KCNH7: variants seen among roughly 807,000 people sequenced by gnomAD.
The protein encoded by KCNH7 is potassium voltage-gated channel subfamily H member 7, also known as voltage-gated inwardly rectifying potassium channel KCNH7.
In KCNH7, 49 loss-of-function variants were observed where a neutral mutation model predicts 120.8. The ratio of observed to expected loss-of-function variants is 0.41; its 90% CI spans 0.32 to 0.51. KCNH7 has a LOEUF of 0.51. Among genes scored for constraint, KCNH7 ranks in the 20% least tolerant of loss-of-function variants. The probability of loss-of-function intolerance (pLI) is 0.38; values close to 1 mark genes in which losing one functional copy is unlikely to be tolerated. For synonymous variants in KCNH7, 547 were observed against 516.1 expected (o/e 1.06, Z -0.81); for missense variants, 1,097 against 1,446.6 (o/e 0.76, Z 3.92).
At chr2:162,492,996 G>T (rs1210059260) in intron 6 of KCNH7, among the ~76,000 whole-genome samples, 2 of 151,118 alleles carry the variant, frequency 1.3e-5, no homozygotes, top group Non-Finnish European at 2.9e-5. Context: ...GATGGCCTGG[G>T]ATGCCTGGGG....
intron 3 of KCNH7, among the ~76,000 whole-genome samples, chr2:162,536,325 T>C (rs1692106725): frequency 6.6e-6 from 1 of 151,982 alleles, no homozygotes; most frequent in Non-Finnish European, 1.5e-5. Flanking sequence ...ATGTCCTTTG[T>C]GCTTAAATAT....
At chr2:162,735,964 T>G (rs1423862847) in intron 2 of KCNH7, among the ~76,000 whole-genome samples, 1 of 152,186 alleles carries the variant, frequency 6.6e-6, no homozygotes, top group Non-Finnish European at 1.5e-5. Flanking sequence ...AATTGAATGT[T>G]GAAGTACTTG....
chr2:162,393,197 CAT>C (rs1372004145), intron 12 of KCNH7, among the ~76,000 whole-genome samples: 6 of 151,942 alleles, frequency 3.9e-5, no homozygotes, highest in Admixed American at 6.6e-5. Context: ...TCTGCAGAGG[CAT>C]GGGAATTGAA....
intron 2 of KCNH7, among the ~76,000 whole-genome samples, chr2:162,606,654 A>G (rs1682783159): frequency 6.6e-6 from 1 of 152,110 alleles, no homozygotes; most frequent in African/African-American, 2.4e-5. Flanking sequence ...GCAGATGACT[A>G]TTTTCTGCCT....
At chr2:162,512,695 T>TA (rs888799050) in intron 4 of KCNH7, 21 bp from the exon 5 acceptor site, 9 of 1,596,634 alleles carry the variant, frequency 5.6e-6, no homozygotes, top group East Asian at 2.2e-5. Context: ...CACATAAGGA[T>TA]AAAAAAAGAG....
chr2:162,782,287 A>G (rs1387756987), intron 2 of KCNH7, among the ~76,000 whole-genome samples: 1 of 152,202 alleles, frequency 6.6e-6, no homozygotes, highest in Admixed American at 6.5e-5. Context: ...GAAAAGGACA[A>G]TGGAAAAAAA....
chr2:162,379,797 C>A, intron 14 of KCNH7, 56 bp downstream of exon 14: 1 of 1,548,230 alleles, frequency 6.5e-7, no homozygotes, highest in African/African-American at 1.4e-5. Flanking sequence ...AGGAGTAAAA[C>A]TGGACCCATG....
intron 9 of KCNH7, among the ~76,000 whole-genome samples, chr2:162,403,507 C>T (rs1687121850): frequency 6.6e-6 from 1 of 151,894 alleles, no homozygotes. Context: ...TTTAGAATCA[C>T]CCACAGAACT....
At chr2:162,639,765 A>AAGGATGAAAT (rs1684083269) in intron 2 of KCNH7, among the ~76,000 whole-genome samples, 1 of 152,068 alleles carries the variant, frequency 6.6e-6, no homozygotes, top group East Asian at 1.9e-4. Flanking sequence ...CCGGATTGGA[A>AAGGATGAAAT]AGGATGAAAT....
chr2:162,384,950 A>G lies in KCNH7; in HGVS notation c.2711-11T>C. ...CATTTGTACTGTTTTCTTTGCCAAA[A>G]TATATCAAAGAAAAGTTATTTTATA... On this transcript the variant is annotated splice_polypyrimidine_tract_variant and intron_variant, in intron 12 of 15. Transcript: ENST00000332142. 1 of 1,589,300 alleles carries G rather than the reference A, an allele frequency of 6.3e-7. No individual in the cohort carries two copies. The highest frequency in any genetic ancestry group is 8.6e-7 in the Non-Finnish European group (1 of 1,167,278).
At chr2:162,639,074 G>T (rs1684060124) in intron 2 of KCNH7, among the ~76,000 whole-genome samples, 1 of 152,022 alleles carries the variant, frequency 6.6e-6, no homozygotes, top group African/African-American at 2.4e-5. Context: ...CCTACCACCA[G>T]CCGTGGCAAC....
intron 2 of KCNH7, among the ~76,000 whole-genome samples, chr2:162,601,946 T>A (rs1694572703): frequency 6.6e-6 from 1 of 152,050 alleles, no homozygotes; most frequent in African/African-American, 2.4e-5. Context: ...TTACAAAATG[T>A]TATAAACCAG....
intron 2 of KCNH7, among the ~76,000 whole-genome samples, chr2:162,827,445 A>G (rs1391644885): frequency 6.6e-6 from 1 of 152,128 alleles, no homozygotes; most frequent in Non-Finnish European, 1.5e-5. Flanking sequence ...ACATTTTAAG[A>G]GTAAAAGAGA....
intron 6 of KCNH7, among the ~76,000 whole-genome samples, 161 bp from the exon 7 acceptor site, chr2:162,446,604 C>T (rs1378922175): frequency 6.6e-6 from 1 of 151,924 alleles, no homozygotes; most frequent in Non-Finnish European, 1.5e-5. Flanking sequence ...TACATAAACC[C>T]ATATAAACTT....
intron 2 of KCNH7, among the ~76,000 whole-genome samples, chr2:162,765,802 G>A (rs961287567): frequency 6.6e-6 from 1 of 151,824 alleles, no homozygotes; most frequent in Non-Finnish European, 1.5e-5. Context: ...TTTTACCCGG[G>A]CTGCTGCAGT....
chr2:162,657,448 T>C (rs1266704898), intron 2 of KCNH7, among the ~76,000 whole-genome samples: 1 of 152,222 alleles, frequency 6.6e-6, no homozygotes, highest in Non-Finnish European at 1.5e-5. Context: ...CACTTAGTAA[T>C]ATGCATTTAA....
At chr2:162,795,659 A>G (rs1490312951) in intron 2 of KCNH7, 1 of 152,106 alleles carries the variant, frequency 6.6e-6, no homozygotes, top group Non-Finnish European at 1.5e-5. Flanking sequence ...ATTATACTGA[A>G]GTATGTAAGA....
chr2:162,723,364 T>C (rs1385672299), intron 2 of KCNH7, among the ~76,000 whole-genome samples: 3 of 152,128 alleles, frequency 2.0e-5, no homozygotes, highest in Non-Finnish European at 4.4e-5. Context: ...GTTGTGCATG[T>C]ACATTGCCAA....
At chr2:162,651,427 A>C (rs750902742) in intron 2 of KCNH7, among the ~76,000 whole-genome samples, 8 of 151,882 alleles carry the variant, frequency 5.3e-5, no homozygotes, top group African/African-American at 7.3e-5. Context: ...CTGAGTTCTC[A>C]TCATTTAGCT....
Sources: gnomAD v4.1 joint callset for allele counts (sites outside exome capture counted in the v4.1 genomes callset) on GRCh38, gnomAD v4.1.1 for gene constraint, MANE v1.5 for transcripts, NCBI Gene and HGNC (gene_info 2026-07-23, HGNC 2026-07-21) for gene names.